PPARGC1B: variants seen among roughly 807,000 people sequenced by gnomAD.
The protein encoded by PPARGC1B is PPARG coactivator 1 beta.
A neutral mutation model predicts 101.6 loss-of-function variants in PPARGC1B; 34 were observed. That is an observed-to-expected ratio of 0.33 (90% CI 0.25 to 0.45). PPARGC1B has a LOEUF of 0.45. PPARGC1B is among the 20% of genes least tolerant of loss of function. PPARGC1B has a pLI of 1.00. For synonymous variants in PPARGC1B, 548 were observed against 539.3 expected (o/e 1.02, Z -0.22); for missense variants, 1,234 against 1,317.6 (o/e 0.94, Z 0.98).
At position 149,782,743 on chromosome 5, in the gene PPARGC1B, G is replaced by A. The variant is rs924139533; in HGVS notation, c.79-37690G>A. ...TTGGGGTCACGAGGCCCCGGGTGCT[G>A]GGATGGCCTGATGCCTGGCCTTGCC... On this transcript the variant is annotated intron_variant, in intron 1 of 11. Transcript: ENST00000309241. Among the ~76,000 whole-genome samples the A allele has an allele frequency of 2.0e-5, 3 of 152,226 alleles. No individual in the cohort carries two copies. The South Asian group carries it at 6.2e-4, about 31-fold the overall frequency.
downstream of PPARGC1B, among the ~76,000 whole-genome samples, chr5:149,857,136 T>C (rs1759975385): frequency 6.6e-6 from 1 of 152,042 alleles, no homozygotes; most frequent in South Asian, 2.1e-4. Flanking sequence ...GGGCAGGTTT[T>C]CTAACCTCTC....
intron 1 of PPARGC1B, among the ~76,000 whole-genome samples, chr5:149,734,393 T>G (rs1198437669): frequency 6.7e-6 from 1 of 150,368 alleles, no homozygotes; most frequent in Non-Finnish European, 1.5e-5. Context: ...TGCACTGTTC[T>G]GTAACTTGTT....
chr5:149,855,291 C>A (rs535933588), downstream of PPARGC1B, among the ~76,000 whole-genome samples: 55 of 151,946 alleles, frequency 3.6e-4, no homozygotes, highest in African/African-American at 1.3e-3. Flanking sequence ...TAGTGAGACC[C>A]CCATCTCTGA....
At chr5:149,817,100 G>A (rs1043336877) in intron 1 of PPARGC1B, among the ~76,000 whole-genome samples, 4 of 152,082 alleles carry the variant, frequency 2.6e-5, no homozygotes, top group Admixed American at 1.3e-4. Context: ...CAGTCCCCAC[G>A]GGGGTCTTTG....
chr5:149,826,669 C>G lies in PPARGC1B; in HGVS notation c.253-4C>G. 6.2e-7 allele frequency: 1 copy of G among 1,611,852 alleles called. No homozygotes were observed. ...TTCTGACCCTCCCGCCCTCCTCACTCCAGATTGACAGTGAGAATGAGGCCC... is the reference window on the plus strand; with the variant it reads ...TTCTGACCCTCCCGCCCTCCTCACTGCAGATTGACAGTGAGAATGAGGCCC... On this transcript the variant is annotated splice_region_variant and splice_polypyrimidine_tract_variant and intron_variant, in intron 2 of 11. Transcript: ENST00000309241.
chr5:149,814,594 C>A (rs930178712), intron 1 of PPARGC1B, among the ~76,000 whole-genome samples: 2 of 152,188 alleles, frequency 1.3e-5, no homozygotes, highest in African/African-American at 4.8e-5. Flanking sequence ...CAGCTTCCTT[C>A]CACTCAGTAG....
chr5:149,757,923 G>A (rs1654931945), intron 1 of PPARGC1B, among the ~76,000 whole-genome samples: 1 of 152,234 alleles, frequency 6.6e-6, no homozygotes, highest in South Asian at 2.1e-4. Flanking sequence ...GGCATTTCTT[G>A]TAGCTCTAGG....
chr5:149,824,242 TC>T (rs143700158), intron 2 of PPARGC1B, among the ~76,000 whole-genome samples: 1,887 of 152,294 alleles, frequency 0.012, 38 homozygotes, highest in African/African-American at 0.042. Flanking sequence ...CTTGGTACTC[TC>T]CCTGGGAAAG....
chr5:149,739,732 C>T (rs966037030), intron 1 of PPARGC1B, among the ~76,000 whole-genome samples: 1 of 152,194 alleles, frequency 6.6e-6, no homozygotes, highest in Non-Finnish European at 1.5e-5. Context: ...GGTCTACCAC[C>T]ACCCCTGGAC....
chr5:149,856,072 G>A (rs188205371), downstream of PPARGC1B, among the ~76,000 whole-genome samples: 4 of 152,220 alleles, frequency 2.6e-5, no homozygotes, highest in Middle Eastern at 3.4e-3. Context: ...AGCCAAGGTC[G>A]TGGCAACAGA....
At chr5:149,831,955 A>G (rs1219587698) in intron 4 of PPARGC1B, among the ~76,000 whole-genome samples, 1 of 152,192 alleles carries the variant, frequency 6.6e-6, no homozygotes, top group African/African-American at 2.4e-5. Context: ...AAACAATTCT[A>G]TGACTTTTAG....
rs550263743 is a variant in PPARGC1B at position 149,754,459 on chromosome 5, T to C, written c.78+24039T>C. ...TGTTTTCTGCTCTGTGAAGAGAGGA[T>C]ATTAGTTCAACAGCAGGGATGTTGG... On this transcript the variant is annotated intron_variant, in intron 1 of 11. Transcript: ENST00000309241. Among the ~76,000 whole-genome samples the C allele has an allele frequency of 2.0e-5, 3 of 152,330 alleles. No homozygotes were observed. The East Asian group carries it at 5.8e-4, about 29-fold the overall frequency.
At chr5:149,799,502 C>A (rs1008190736) in intron 1 of PPARGC1B, among the ~76,000 whole-genome samples, 1 of 152,002 alleles carries the variant, frequency 6.6e-6, no homozygotes, top group Non-Finnish European at 1.5e-5. Context: ...GAAGGGAGAC[C>A]CTGGAAGCCC....
intron 3 of PPARGC1B, among the ~76,000 whole-genome samples, chr5:149,830,170 G>C (rs1000428007): frequency 6.6e-6 from 1 of 151,574 alleles, no homozygotes; most frequent in Non-Finnish European, 1.5e-5. Context: ...GTTGCCTCTA[G>C]GAGGCAGAAG....
Position 149,741,092 on chromosome 5 carries a change from GTC to G in PPARGC1B, c.78+10674_78+10675del, listed in dbSNP as rs1754887807. Among the ~76,000 whole-genome samples the G allele has an allele frequency of 3.9e-5, 6 of 152,270 alleles. No homozygotes were observed. In the South Asian group the frequency reaches 1.2e-3, roughly 32 times the overall value. ...GGGACTCAACTGTCTGGGACCCACT[GTC>G]TGGGAACTCAGCCGGGTGAGCCCTG... On this transcript the variant is annotated intron_variant, in intron 1 of 11. Transcript: ENST00000309241.
At chr5:149,806,305 G>A (rs2113306081) in intron 1 of PPARGC1B, among the ~76,000 whole-genome samples, 1 of 152,362 alleles carries the variant, frequency 6.6e-6, no homozygotes, top group South Asian at 2.1e-4. Flanking sequence ...GCACTGGGCT[G>A]AAGGTGTGCA....
At chr5:149,839,810 G>A (rs1759260668) in intron 8 of PPARGC1B, among the ~76,000 whole-genome samples, 3 of 152,200 alleles carry the variant, frequency 2.0e-5, no homozygotes, top group Admixed American at 2.0e-4. Context: ...GGTTCCCGGT[G>A]ATCCAGTCCG....
At chr5:149,740,708 G>T (rs780692079) in intron 1 of PPARGC1B, among the ~76,000 whole-genome samples, 1 of 152,144 alleles carries the variant, frequency 6.6e-6, no homozygotes, top group East Asian at 1.9e-4. Context: ...TCTGACCTCA[G>T]TTTCTTCATA....
intron 1 of PPARGC1B, chr5:149,817,621 T>C (rs1758110102): frequency 2.4e-6 from 1 of 418,854 alleles, no homozygotes; most frequent in African/African-American, 2.0e-5. Flanking sequence ...AGATGTCAAC[T>C]CACGGAGGAA....
Sources: gnomAD v4.1 joint callset for allele counts (sites outside exome capture counted in the v4.1 genomes callset) on GRCh38, gnomAD v4.1.1 for gene constraint, MANE v1.5 for transcripts, NCBI Gene and HGNC (gene_info 2026-07-23, HGNC 2026-07-21) for gene names.